VPS36: variants seen among roughly 807,000 people sequenced by gnomAD.
VPS36 encodes vacuolar protein sorting 36 homolog.
VPS36 carries 31 observed loss-of-function variants against 63.5 expected under a neutral mutation model. The observed-to-expected ratio is 0.49, with a 90% CI of 0.37 to 0.66. VPS36 has a LOEUF of 0.66. VPS36 is among the 30% of genes least tolerant of loss of function. The probability of loss-of-function intolerance (pLI) is 0.00; values close to 1 mark genes in which losing one functional copy is unlikely to be tolerated. For synonymous variants in VPS36, 138 were observed against 157.2 expected (o/e 0.88, Z 0.91); for missense variants, 338 against 463.7 (o/e 0.73, Z 2.49).
At chr13:52,426,144 C>A in intron 8 of VPS36, 78 bp from the exon 9 acceptor site, 1 of 1,546,642 alleles carries the variant, frequency 6.5e-7, no homozygotes, top group Non-Finnish European at 8.8e-7. Context: ...AAATTCAATT[C>A]CACTCAATTA....
chr13:52,436,434 A>C, intron 3 of VPS36, 30 bp from the exon 4 acceptor site: 1 of 1,428,204 alleles, frequency 7.0e-7, no homozygotes, highest in African/African-American at 1.4e-5. Flanking sequence ...AATATATTGA[A>C]TTGTCTTTCA....
chr13:52,423,238 C>T (rs1958063117), intron 10 of VPS36, among the ~76,000 whole-genome samples: 2 of 151,906 alleles, frequency 1.3e-5, no homozygotes, highest in Admixed American at 6.6e-5. Context: ...CACTGAAACA[C>T]CATATAGTAC....
chr13:52,415,800 T>G lies in VPS36; in HGVS notation c.*30A>C, dbSNP rs746231851. On this transcript the variant is annotated 3_prime_UTR_variant, in exon 14 of 14. Transcript: ENST00000378060. ...ACAACCTCTACATGACGCAAGCATATGGACAAAAAGGATTTTAAATACAAA... is the reference window on the plus strand; with the variant it reads ...ACAACCTCTACATGACGCAAGCATAGGGACAAAAAGGATTTTAAATACAAA... 1.2e-5 allele frequency: 19 copies of G among 1,605,478 alleles called. No homozygotes were observed. Among genetic ancestry groups the G allele is most frequent in the South Asian group, 2.2e-5 (2 of 90,060 alleles).
rs990964037 is a variant in VPS36, at chr13:52,425,348, G to A, written c.774+584C>T. 3.3e-5 allele frequency among the ~76,000 whole-genome samples: 5 copies of A among 151,898 alleles called. No homozygotes were observed. In the East Asian group the frequency reaches 9.6e-4, roughly 29 times the overall value. ...TAGATTATGAAAGGGGATTATAGTT[G>A]TATTTAAAGGAGTATTTATCATTAG... On this transcript the variant is annotated intron_variant, in intron 9 of 13. Transcript: ENST00000378060.
At position 52,415,907 on chromosome 13, in the gene VPS36, T is replaced by A; in HGVS notation, c.1084A>T (p.Lys362Ter). 6.2e-7 allele frequency: 1 copy of A among 1,613,826 alleles called. No individual in the cohort carries two copies. ...TCATCACGGCAAAGATGGCCCATCT[T>A]CTCTGCAAGCAGCAACCTAAAAAAA... is the stretch of plus-strand genomic sequence containing the variant. Reference protein sequence around the residue: ...LAKERLLLAEKMGHLCRDDSV... With the variant: ...LAKERLLLAE The change falls in exon 14 of 14, where the codon AAG (lysine) becomes TAG (stop). Residue 362 changes from lysine (K) to a stop codon, truncating the protein, a stop_gained. Coordinates refer to ENST00000378060, the MANE Select transcript of VPS36 (RefSeq NM_016075.4). LOFTEE classifies it high-confidence loss of function.
intron 1 of VPS36, among the ~76,000 whole-genome samples, chr13:52,445,141 A>G (rs1284381734): frequency 6.6e-6 from 1 of 152,234 alleles, no homozygotes; most frequent in Non-Finnish European, 1.5e-5. Context: ...CATGTCAGAG[A>G]ATAGACCTTA....
At chr13:52,449,845 G>A in intron 1 of VPS36, 1 of 835,200 alleles carries the variant, frequency 1.2e-6, no homozygotes, top group Non-Finnish European at 1.4e-6. Flanking sequence ...TACAAAACAC[G>A]CTCAGAACGC....
At position 52,447,784 on chromosome 13, in the gene VPS36, C is replaced by CT. The variant is rs1432867524; in HGVS notation, c.96+2714_96+2715insA. On this transcript the variant is annotated intron_variant, in intron 1 of 13. Coordinates refer to ENST00000378060, the MANE Select transcript of VPS36 (RefSeq NM_016075.4). ...ACCGGTGACTGCTACATTATGAAGTCATTTTTTTTTTTTTTTGAGACAGAA... is the reference window on the plus strand; with the variant it reads ...ACCGGTGACTGCTACATTATGAAGTCTATTTTTTTTTTTTTTTGAGACAGAA... Among the ~76,000 whole-genome samples the CT allele has an allele frequency of 6.4e-4, 79 of 123,784 alleles. No homozygotes were observed. In the South Asian group the frequency reaches 9.3e-3, roughly 15 times the overall value. 81.2% of individuals were successfully genotyped at this position (123,784 alleles called of 152,430 possible).
At chr13:52,438,813 A>G (rs1958244399) in intron 3 of VPS36, among the ~76,000 whole-genome samples, 1 of 152,248 alleles carries the variant, frequency 6.6e-6, no homozygotes, top group Admixed American at 6.5e-5. Context: ...TAGAAACAGG[A>G]GCAAAGTCAG....
At chr13:52,443,629 G>C (rs1451757251) in intron 1 of VPS36, among the ~76,000 whole-genome samples, 1 of 152,130 alleles carries the variant, frequency 6.6e-6, no homozygotes, top group Non-Finnish European at 1.5e-5. Context: ...AAGCCACCCA[G>C]GCTATGCTAT....
At chr13:52,442,246 G>A (rs975304183) in intron 2 of VPS36, 131 bp downstream of exon 2, 2 of 646,548 alleles carry the variant, frequency 3.1e-6, no homozygotes, top group Non-Finnish European at 4.7e-6. Context: ...GGCTACTCGG[G>A]AGGTTGAGGC....
At chr13:52,423,309 G>C (rs60059621) in intron 10 of VPS36, among the ~76,000 whole-genome samples, 2 of 152,094 alleles carry the variant, frequency 1.3e-5, no homozygotes, top group East Asian at 3.9e-4. Flanking sequence ...GTTTTGAATA[G>C]CAAAAAATAA....
In VPS36 at chr13:52,415,785, C is replaced by T; in HGVS notation, c.*45G>A. On this transcript the variant is annotated 3_prime_UTR_variant, in exon 14 of 14. Coordinates refer to ENST00000378060, the MANE Select transcript of VPS36 (RefSeq NM_016075.4). ...TTAGCTCAATGTCATACAACCTCTA[C>T]ATGACGCAAGCATATGGACAAAAAG... is the stretch of plus-strand genomic sequence containing the variant. The T allele has an allele frequency of 6.4e-7, 1 of 1,571,572 alleles. No homozygotes were observed. Among genetic ancestry groups the T allele is most frequent in the Non-Finnish European group, 8.7e-7 (1 of 1,144,294 alleles).
At chr13:52,435,565 T>C (rs1362195705) in intron 4 of VPS36, among the ~76,000 whole-genome samples, 2 of 152,110 alleles carry the variant, frequency 1.3e-5, no homozygotes, top group Admixed American at 6.5e-5. Context: ...CCATTCTCCA[T>C]GAAGGAAGCA....
intron 2 of VPS36, among the ~76,000 whole-genome samples, chr13:52,441,555 A>T (rs1367423339): frequency 1.3e-5 from 2 of 152,186 alleles, no homozygotes; most frequent in Admixed American, 1.3e-4. Flanking sequence ...GTTAGAGACC[A>T]GCCTGAACAA....
rs1318249963 is a variant in VPS36 at position 52,413,035 on chromosome 13, G to C, written c.*2795C>G. ...CAAAGAGAAATTTATTGGTAATTTA[G>C]GAGATTTTCAAGGACCATTCTGAGC... On this transcript the variant is annotated 3_prime_UTR_variant, in exon 14 of 14. Coordinates refer to ENST00000378060, the MANE Select transcript of VPS36 (RefSeq NM_016075.4). The C allele has an allele frequency of 6.6e-6, 1 of 152,636 alleles. No individual in the cohort carries two copies. Among genetic ancestry groups the C allele is most frequent in the African/African-American group, 2.4e-5 (1 of 41,462 alleles). The allele number at this position is 152,636 out of a possible 1,614,324, so 9.5% of individuals were successfully genotyped here. A position where few individuals can be genotyped will look rare whatever the true frequency, so the allele number is the denominator to read the frequency against.
At chr13:52,428,519 T>C (rs1566085461) in intron 6 of VPS36, among the ~76,000 whole-genome samples, 1 of 152,172 alleles carries the variant, frequency 6.6e-6, no homozygotes, top group Non-Finnish European at 1.5e-5. Context: ...CTAACAGGAA[T>C]TTCCTTAGAT....
chr13:52,420,130 T>C (rs1958031862), intron 10 of VPS36, among the ~76,000 whole-genome samples: 1 of 151,120 alleles, frequency 6.6e-6, no homozygotes, highest in African/African-American at 2.4e-5. Flanking sequence ...AATTCCCAGT[T>C]ACTTGGGAGG....
chr13:52,448,254 T>C (rs1313376636), intron 1 of VPS36, among the ~76,000 whole-genome samples: 1 of 152,180 alleles, frequency 6.6e-6, no homozygotes, highest in Non-Finnish European at 1.5e-5. Flanking sequence ...CAGTGAGGCA[T>C]CCTAAAAGGG....
Sources: allele counts gnomAD v4.1 joint callset (sites outside exome capture counted in the v4.1 genomes callset), GRCh38; gene constraint gnomAD v4.1.1; transcripts MANE v1.5; gene names NCBI Gene and HGNC (gene_info 2026-07-23, HGNC 2026-07-21).